The following CAMTA1 variants were observed in gnomAD, a reference collection of about 807,000 sequenced individuals.
CAMTA1 encodes the protein calmodulin binding transcription activator 1.
Under a neutral mutation model 170.9 loss-of-function variants are expected in CAMTA1, and 27 were observed. The observed-to-expected ratio is 0.16, with a 90% CI of 0.12 to 0.22. The LOEUF is 0.22. CAMTA1 is among the 10% of genes least tolerant of loss of function. The pLI is 1.00. For missense variants in CAMTA1, 1,619 were observed against 2,217.2 expected (o/e 0.73, Z 5.42); for synonymous variants, 833 against 891.5 (o/e 0.93, Z 1.17).
chr1:6,974,792 G>A (rs1000202786), intron 3 of CAMTA1, among the ~76,000 whole-genome samples: 3 of 152,354 alleles, frequency 2.0e-5, no homozygotes, highest in Admixed American at 6.5e-5. Flanking sequence ...CACGGCCCAG[G>A]TGGGGCCACA....
chr1:7,311,400 T>C (rs1447889942), intron 5 of CAMTA1, among the ~76,000 whole-genome samples: 1 of 152,192 alleles, frequency 6.6e-6, no homozygotes, highest in African/African-American at 2.4e-5. Flanking sequence ...TCAGTGAGTT[T>C]TCTGTTTGGG....
At position 7,093,928 on chromosome 1, in the gene CAMTA1, C is replaced by T. The variant is rs1641768661; in HGVS notation, c.302+2557C>T. ...TGTTGATCCCACCCTTGCTGGGTCACGATGAGGATTGAATGTGGTCACGTT... is the reference window on the plus strand; with the variant it reads ...TGTTGATCCCACCCTTGCTGGGTCATGATGAGGATTGAATGTGGTCACGTT... On this transcript the variant is annotated intron_variant, in intron 4 of 22. Transcript: ENST00000303635. The surrounding 1 kb of genome is among the most constrained non-coding windows in gnomAD (Gnocchi z 4.6). Among the ~76,000 whole-genome samples, 1 of 152,158 alleles carries T rather than the reference C, an allele frequency of 6.6e-6. No homozygotes were observed. The highest frequency in any genetic ancestry group is 6.5e-5 in the Admixed American group (1 of 15,272).
rs61161982 is a variant in CAMTA1 at position 7,310,647 on chromosome 1, T to TCTTTCTTTC, written c.438+61021_438+61022insCTTTCTTTC. Among the ~76,000 whole-genome samples the TCTTTCTTTC allele has an allele frequency of 6.4e-3, 314 of 49,188 alleles. 24 individuals are homozygous for TCTTTCTTTC. The highest frequency in any genetic ancestry group is 0.012 in the South Asian group (15 of 1,254). 32.3% of individuals were successfully genotyped at this position (49,188 alleles called of 152,430 possible). A position where few individuals can be genotyped will look rare whatever the true frequency, so the allele number is the denominator to read the frequency against. The stretch of plus-strand genomic sequence containing the variant: ...TTCTTTCTTTCTTTCTTTCTTTCTT[T>TCTTTCTTTC]TTTCTTTCTTTCTTTCTTTCTTTCC... On this transcript the variant is annotated intron_variant, in intron 5 of 22. Transcript: ENST00000303635.
intron 4 of CAMTA1, among the ~76,000 whole-genome samples, chr1:7,140,105 C>T (rs1229100283): frequency 6.6e-6 from 1 of 152,156 alleles, no homozygotes; most frequent in Admixed American, 6.5e-5. Flanking sequence ...ACTTTGCTCA[C>T]AAATGCACAG....
intron 6 of CAMTA1, among the ~76,000 whole-genome samples, chr1:7,599,970 A>G (rs1438820627): frequency 2.6e-5 from 4 of 152,134 alleles, no homozygotes; most frequent in Admixed American, 6.5e-5. Context: ...AGAACTTCCA[A>G]CGCTGTGTTG....
At chr1:7,697,686 G>A (rs574774632) in intron 11 of CAMTA1, among the ~76,000 whole-genome samples, 30 of 152,282 alleles carry the variant, frequency 2.0e-4, no homozygotes, top group Non-Finnish European at 3.7e-4. Flanking sequence ...GTTTCACTCC[G>A]CTTCCTTGGA....
chr1:7,149,045 G>A (rs1646407657), intron 4 of CAMTA1, among the ~76,000 whole-genome samples: 3 of 151,148 alleles, frequency 2.0e-5, no homozygotes, highest in African/African-American at 7.4e-5. Context: ...ACGGGGGCCT[G>A]GTGTTTCCAC....
At chr1:6,960,497 T>G (rs1690197210) in intron 3 of CAMTA1, among the ~76,000 whole-genome samples, 1 of 152,138 alleles carries the variant, frequency 6.6e-6, no homozygotes, top group South Asian at 2.1e-4. Context: ...CCAGATTTAG[T>G]TCTGTGGAGA....
At chr1:7,542,141 G>A (rs540154601) in intron 6 of CAMTA1, among the ~76,000 whole-genome samples, 12 of 152,130 alleles carry the variant, frequency 7.9e-5, no homozygotes, top group African/African-American at 2.9e-4. Flanking sequence ...AAAATTAGGC[G>A]TACTCATAGT....
chr1:7,188,687 T>C (rs1428057224), intron 4 of CAMTA1, among the ~76,000 whole-genome samples: 1 of 152,222 alleles, frequency 6.6e-6, no homozygotes, highest in African/African-American at 2.4e-5. Flanking sequence ...CTGTATTCCA[T>C]ATTTTGTGTA....
chr1:7,428,522 C>T (rs557639616), intron 5 of CAMTA1, among the ~76,000 whole-genome samples: 320 of 152,206 alleles, frequency 2.1e-3, no homozygotes, highest in Non-Finnish European at 3.7e-3. Context: ...AGAGTCAAGT[C>T]CAGATGCCTT....
At chr1:6,936,245 A>G (rs1685286499) in intron 3 of CAMTA1, among the ~76,000 whole-genome samples, 1 of 152,252 alleles carries the variant, frequency 6.6e-6, no homozygotes, top group Admixed American at 6.5e-5. Flanking sequence ...GATAATAGGC[A>G]GTATCTAATG....
At chr1:6,940,931 AG>A (rs371103747) in intron 3 of CAMTA1, among the ~76,000 whole-genome samples, 1 of 870 alleles carries the variant, frequency 1.1e-3, no homozygotes, top group East Asian at 0.038. Flanking sequence ...TCACAGGGAA[AG>A]GGGATCCTCA....
intron 16 of CAMTA1, 109 bp from the exon 17 acceptor site, chr1:7,744,726 C>A: frequency 1.2e-6 from 1 of 832,454 alleles, no homozygotes; most frequent in Non-Finnish European, 1.9e-6. Context: ...TGGAAGTCTG[C>A]CCTCCTGCCT....
chr1:7,604,228 C>T (rs1275649913), intron 6 of CAMTA1, among the ~76,000 whole-genome samples: 1 of 152,168 alleles, frequency 6.6e-6, no homozygotes, highest in Admixed American at 6.5e-5. Flanking sequence ...GAATATTGGC[C>T]TGCCTTGCTA....
chr1:7,253,528 C>G (rs912753901), intron 5 of CAMTA1, among the ~76,000 whole-genome samples: 1 of 152,196 alleles, frequency 6.6e-6, no homozygotes, highest in African/African-American at 2.4e-5. Context: ...CAGATGGGAG[C>G]CACACAATTA....
chr1:6,828,901 T>G (rs1403426292), intron 3 of CAMTA1, among the ~76,000 whole-genome samples: 2 of 146,086 alleles, frequency 1.4e-5, no homozygotes, highest in East Asian at 2.0e-4. Flanking sequence ...TTTTTTTTTT[T>G]TTTTTTTTTT....
At chr1:7,531,418 TGC>T (rs2094491369) in intron 6 of CAMTA1, among the ~76,000 whole-genome samples, 1 of 152,158 alleles carries the variant, frequency 6.6e-6, no homozygotes, top group Non-Finnish European at 1.5e-5. Context: ...ACCTGCTGAG[TGC>T]TTTGCCAGGC....
chr1:7,209,512 C>T (rs1453181006), intron 4 of CAMTA1, among the ~76,000 whole-genome samples: 1 of 152,170 alleles, frequency 6.6e-6, no homozygotes. Flanking sequence ...GGGGAGGCAG[C>T]TGTCAGGTCT....
Sources: allele counts gnomAD v4.1 joint callset (sites outside exome capture counted in the v4.1 genomes callset), GRCh38; gene constraint gnomAD v4.1.1; non-coding constraint Gnocchi (gnomAD v3.1); transcripts MANE v1.5; gene names NCBI Gene and HGNC (gene_info 2026-07-23, HGNC 2026-07-21).